Variants in MYPN observed in about 807,000 individuals in gnomAD.
The protein encoded by MYPN is myopalladin, also known as sarcomeric protein myopalladin, 145 kDa (MYOP).
Under a neutral mutation model 129.4 loss-of-function variants are expected in MYPN, and 63 were observed. The ratio of observed to expected loss-of-function variants is 0.49; its 90% CI spans 0.40 to 0.60. The LOEUF is 0.60. Ranked by LOEUF, MYPN falls within the 20% of genes least tolerant of loss-of-function variation. The probability of loss-of-function intolerance (pLI) is 0.00; values close to 1 mark genes in which losing one functional copy is unlikely to be tolerated. For missense variants in MYPN, 1,596 were observed against 1,635.4 expected (o/e 0.98, Z 0.42); for synonymous variants, 629 against 600.9 (o/e 1.05, Z -0.68).
chr10:68,133,975 A>T (rs1236007505), intron 2 of MYPN, among the ~76,000 whole-genome samples: 1 of 152,124 alleles, frequency 6.6e-6, no homozygotes, highest in Non-Finnish European at 1.5e-5. Flanking sequence ...CAAAAAGCTA[A>T]GAAGTCAACA....
At chr10:68,195,589 C>A in intron 15 of MYPN, 57 bp downstream of exon 15, 2 of 1,347,478 alleles carry the variant, frequency 1.5e-6, no homozygotes, top group South Asian at 1.2e-5. Flanking sequence ...TGCCCACTAT[C>A]GTGAGCACCA....
intron 1 of MYPN, among the ~76,000 whole-genome samples, chr10:68,093,076 A>G (rs1346932331): frequency 6.6e-6 from 1 of 152,100 alleles, no homozygotes. Flanking sequence ...GTCTCACTAT[A>G]TTGCCCAGGC....
intron 7 of MYPN, among the ~76,000 whole-genome samples, chr10:68,159,488 G>A (rs1176884293): frequency 6.6e-6 from 1 of 152,122 alleles, no homozygotes; most frequent in Admixed American, 6.5e-5. Flanking sequence ...TTAAGTCTTT[G>A]TATTTCTTTA....
At chr10:68,107,139 TA>T (rs2042021235), upstream of MYPN, among the ~76,000 whole-genome samples, 1 of 152,208 alleles carries the variant, frequency 6.6e-6, no homozygotes, top group African/African-American at 2.4e-5. Flanking sequence ...AATTAGTTTT[TA>T]AAAACTAAAA....
intron 3 of MYPN, among the ~76,000 whole-genome samples, chr10:68,144,642 G>GT (rs1018945580): frequency 1.3e-4 from 19 of 149,076 alleles, no homozygotes; most frequent in African/African-American, 2.7e-4. Context: ...GGATTGCTGG[G>GT]TTTTTTTTTT....
At position 68,152,259 on chromosome 10, in the gene MYPN, TAA is replaced by T. The variant is rs559675765; in HGVS notation, c.1317+2150_1317+2151del. Among the ~76,000 whole-genome samples, 657 of 152,214 alleles carry T rather than the reference TAA, an allele frequency of 4.3e-3. 7 individuals carry two copies. Among genetic ancestry groups the T allele is most frequent in the African/African-American group, 0.015 (628 of 41,518 alleles). ...GTTTTTTATCAGATCTTATCAGACTTAAAGAGTCTGTTTTATCAGTAATTCCA... is the reference window on the plus strand; with the variant it reads ...GTTTTTTATCAGATCTTATCAGACTTAGAGTCTGTTTTATCAGTAATTCCA... On this transcript the variant is annotated intron_variant, in intron 6 of 19. Coordinates refer to ENST00000358913, the MANE Select transcript of MYPN (RefSeq NM_032578.4).
intron 6 of MYPN, among the ~76,000 whole-genome samples, chr10:68,152,191 G>T (rs150290257): frequency 2.2e-4 from 34 of 152,296 alleles, no homozygotes; most frequent in African/African-American, 7.5e-4. Flanking sequence ...TTATCATGCA[G>T]ATGAAGCCTC....
At chr10:68,146,326 T>C (rs868701715) in intron 4 of MYPN, among the ~76,000 whole-genome samples, 25 of 152,298 alleles carry the variant, frequency 1.6e-4, no homozygotes, top group Middle Eastern at 3.4e-3. Context: ...AGCAAACTCT[T>C]ATTTGTCCTG....
intron 5 of MYPN, among the ~76,000 whole-genome samples, 186 bp downstream of exon 5, chr10:68,148,653 C>T (rs1004601812): frequency 6.6e-6 from 1 of 152,182 alleles, no homozygotes; most frequent in Non-Finnish European, 1.5e-5. Flanking sequence ...TCTCGGGCTT[C>T]AATAGGCAAA....
intron 1 of MYPN, among the ~76,000 whole-genome samples, chr10:68,115,065 C>G (rs2133974575): frequency 6.6e-6 from 1 of 151,962 alleles, no homozygotes. Flanking sequence ...TTGAAACCAG[C>G]CTGGATAACT....
At chr10:68,189,151 G>A in intron 13 of MYPN, 25 bp downstream of exon 13, 1 of 1,554,948 alleles carries the variant, frequency 6.4e-7, no homozygotes, top group Non-Finnish European at 8.9e-7. Context: ...AAGCCAGTTG[G>A]CCACCTCACA....
chr10:68,190,984 A>C (rs1428577740), intron 13 of MYPN, among the ~76,000 whole-genome samples: 1 of 152,160 alleles, frequency 6.6e-6, no homozygotes, highest in Non-Finnish European at 1.5e-5. Context: ...TTTGTCAAAA[A>C]TGAGTTGGCT....
upstream of MYPN, among the ~76,000 whole-genome samples, chr10:68,103,585 T>C (rs1589513386): frequency 1.3e-5 from 2 of 152,228 alleles, no homozygotes; most frequent in East Asian, 3.8e-4. Context: ...ATTTTTGAAC[T>C]AATCTTAAAG....
intron 4 of MYPN, among the ~76,000 whole-genome samples, chr10:68,146,406 A>T (rs568617651): frequency 6.6e-6 from 1 of 152,192 alleles, no homozygotes; most frequent in African/African-American, 2.4e-5. Context: ...CACACGCATC[A>T]CTGCTTCCTT....
intron 2 of MYPN, among the ~76,000 whole-genome samples, chr10:68,137,338 T>C (rs1388772330): frequency 1.3e-5 from 2 of 152,228 alleles, no homozygotes; most frequent in African/African-American, 4.8e-5. Flanking sequence ...CACAGTTATG[T>C]AGTCAGAAAC....
chr10:68,187,204 T>G (rs1237443501), intron 12 of MYPN, among the ~76,000 whole-genome samples: 1 of 151,520 alleles, frequency 6.6e-6, no homozygotes, highest in Non-Finnish European at 1.5e-5. Flanking sequence ...AAACCCTGTC[T>G]CTACTAGAAA....
At position 68,109,575 on chromosome 10, in the gene MYPN, C is replaced by CT; in HGVS notation, c.-149dup. On this transcript the variant is annotated 5_prime_UTR_variant, in exon 1 of 20. Transcript: ENST00000358913. Reference sequence around the variant, plus strand: ...CTGAAACTAAGGTTAACTCCTCACTCTCTATGGACGGCTACTCTCTATTTC... The same window carrying CT: ...CTGAAACTAAGGTTAACTCCTCACTCTTCTATGGACGGCTACTCTCTATTTC... 1 of 454,136 alleles carries CT rather than the reference C, an allele frequency of 2.2e-6. No homozygotes were observed. The highest frequency in any genetic ancestry group is 1.6e-5 in the South Asian group (1 of 64,480). 28.1% of individuals were successfully genotyped at this position (454,136 alleles called of 1,614,324 possible).
intron 2 of MYPN, among the ~76,000 whole-genome samples, chr10:68,134,017 G>T (rs1376680974): frequency 6.6e-6 from 1 of 151,946 alleles, no homozygotes; most frequent in Non-Finnish European, 1.5e-5. Flanking sequence ...ACAAATAGAA[G>T]AACTTACCCT....
At chr10:68,170,847 A>G (rs139066379) in intron 10 of MYPN, among the ~76,000 whole-genome samples, 371 of 152,276 alleles carry the variant, frequency 2.4e-3, no homozygotes, top group Non-Finnish European at 4.0e-3. Flanking sequence ...TCACTGGTCT[A>G]GAGTTAGAGA....
Sources: allele counts gnomAD v4.1 joint callset (sites outside exome capture counted in the v4.1 genomes callset), GRCh38; gene constraint gnomAD v4.1.1; transcripts MANE v1.5; gene names NCBI Gene and HGNC (gene_info 2026-07-23, HGNC 2026-07-21).